Variants in RAB3GAP1 observed in about 807,000 individuals in gnomAD.
RAB3GAP1 encodes rab3 GTPase-activating protein catalytic subunit.
In RAB3GAP1, 86 loss-of-function variants were observed where a neutral mutation model predicts 130.7. The ratio of observed to expected loss-of-function variants is 0.66; its 90% CI spans 0.55 to 0.79. The LOEUF is 0.79. Ranked by LOEUF, RAB3GAP1 falls within the 30% of genes least tolerant of loss-of-function variation. The probability of loss-of-function intolerance (pLI) is 0.00; values close to 1 mark genes in which losing one functional copy is unlikely to be tolerated. For synonymous variants in RAB3GAP1, 367 were observed against 401.7 expected (o/e 0.91, Z 1.03); for missense variants, 1,029 against 1,169.4 (o/e 0.88, Z 1.75).
intron 15 of RAB3GAP1, 39 bp from the exon 16 acceptor site, chr2:135,135,226 T>A: frequency 6.5e-7 from 1 of 1,533,970 alleles, no homozygotes. Context: ...GCAATTTTAC[T>A]AAAACTAAGC....
intron 17 of RAB3GAP1, among the ~76,000 whole-genome samples, chr2:135,144,424 A>G (rs1268327083): frequency 6.6e-6 from 1 of 152,194 alleles, no homozygotes; most frequent in African/African-American, 2.4e-5. Context: ...ATGGGCTAAA[A>G]CAAAGGCACC....
rs150167606 is a variant in RAB3GAP1, at chr2:135,098,194, T to C, written c.362+4501T>C. On this transcript the variant is annotated intron_variant, in intron 5 of 23. Transcript: ENST00000264158. ...TTGCACATGTTTTAATTGGGTTGTT[T>C]GTTTTCTTTTTTGGGGGTGGGGGTT... is the stretch of plus-strand genomic sequence containing the variant. Among the ~76,000 whole-genome samples, 260 of 152,286 alleles carry C rather than the reference T, an allele frequency of 1.7e-3. 1 individual carries two copies. The highest frequency in any genetic ancestry group is 6.1e-3 in the African/African-American group (255 of 41,564).
intron 2 of RAB3GAP1, among the ~76,000 whole-genome samples, chr2:135,056,914 C>T (rs1274960791): frequency 2.0e-5 from 3 of 152,132 alleles, no homozygotes; most frequent in East Asian, 1.9e-4. Context: ...AATCTGTTGC[C>T]TTTCCATACA....
At chr2:135,060,732 G>A (rs963817132) in intron 3 of RAB3GAP1, among the ~76,000 whole-genome samples, 1 of 151,808 alleles carries the variant, frequency 6.6e-6, no homozygotes, top group Non-Finnish European at 1.5e-5. Context: ...TTGAGACAGA[G>A]TCTTGCTCTG....
intron 5 of RAB3GAP1, among the ~76,000 whole-genome samples, chr2:135,098,283 T>C (rs977440028): frequency 6.6e-6 from 1 of 152,196 alleles, no homozygotes; most frequent in African/African-American, 2.4e-5. Flanking sequence ...ATCTTTTTTA[T>C]AATGTGTGAT....
At chr2:135,103,433 A>G (rs962437479) in intron 5 of RAB3GAP1, among the ~76,000 whole-genome samples, 1 of 152,176 alleles carries the variant, frequency 6.6e-6, no homozygotes, top group African/African-American at 2.4e-5. Flanking sequence ...GACTAGCCCT[A>G]AGGACCTGTA....
intron 17 of RAB3GAP1, among the ~76,000 whole-genome samples, chr2:135,141,457 CTCGTGATCT>C (rs1211057039): frequency 1.3e-5 from 2 of 152,062 alleles, no homozygotes; most frequent in Non-Finnish European, 2.9e-5. Context: ...AACTCCTGAC[CTCGTGATCT>C]GCCTGTCTGG....
Position 135,081,361 on chromosome 2 carries a change from T to TATATATATAC in RAB3GAP1, c.151-9636_151-9635insTATATATACA, listed in dbSNP as rs1216831944. Among the ~76,000 whole-genome samples the TATATATATAC allele has an allele frequency of 5.2e-3, 366 of 71,040 alleles. 1 individual carries two copies. Among genetic ancestry groups the TATATATATAC allele is most frequent in the Non-Finnish European group, 6.5e-3 (287 of 44,006 alleles). 46.6% of individuals were successfully genotyped at this position (71,040 alleles called of 152,430 possible). On this transcript the variant is annotated intron_variant, in intron 3 of 23. Transcript: ENST00000264158. ...ATATATATATATATATATATATATA[T>TATATATATAC]ACACACACGTGTGTGTGTGTATATA...
downstream of RAB3GAP1, among the ~76,000 whole-genome samples, chr2:135,172,256 C>G (rs1006954640): frequency 6.6e-6 from 1 of 151,262 alleles, no homozygotes; most frequent in African/African-American, 2.5e-5. Flanking sequence ...AAGGTGAAAC[C>G]CCGTCTCTAT....
chr2:135,112,736 A>G (rs1269278975), intron 5 of RAB3GAP1, among the ~76,000 whole-genome samples: 1 of 152,082 alleles, frequency 6.6e-6, no homozygotes, highest in Non-Finnish European at 1.5e-5. Flanking sequence ...GAATACACCC[A>G]TGTGATCAAC....
At chr2:135,069,796 C>G (rs1029099919) in intron 3 of RAB3GAP1, among the ~76,000 whole-genome samples, 12 of 152,192 alleles carry the variant, frequency 7.9e-5, no homozygotes, top group Non-Finnish European at 1.5e-5. Flanking sequence ...CCCCTGCCCT[C>G]CCTCACCTCC....
At chr2:135,077,288 A>G (rs573016428) in intron 3 of RAB3GAP1, among the ~76,000 whole-genome samples, 37 of 152,250 alleles carry the variant, frequency 2.4e-4, no homozygotes, top group African/African-American at 8.9e-4. Context: ...CAACAACAAC[A>G]ACAACAACAA....
Position 135,162,609 on chromosome 2 carries a change from C to T in RAB3GAP1, c.2344C>T (p.Pro782Ser). The change falls in exon 20 of 24, where the codon CCT (proline) becomes TCT (serine). Residue 782 changes from proline to serine, a missense_variant. By Grantham distance (74) the Pro-to-Ser change is moderately conservative (BLOSUM62 -1). Around this residue, in one of 3 missense-constraint regions of RAB3GAP1, gnomAD observed 373 missense variants for 493.6 expected, o/e 0.76. Transcript: ENST00000264158. ...TGCAGACCTTGCTCGGCACCTGTTA[C>T]CTTGTGTGATTCATGCAGCTGTACT... ...KPADLARHLL[P>S]CVIHAAVLKV... 6.2e-7 allele frequency: 1 copy of T among 1,614,074 alleles called. No homozygotes were observed.
rs746912413 is a variant in RAB3GAP1, at chr2:135,134,047, T to C, written c.1499+14T>C. Reference sequence around the variant, plus strand: ...TCTGATTCCAGGGTAATAATTTCAATTTTCAATTGTTTGGATACGATTTTG... The same window carrying C: ...TCTGATTCCAGGGTAATAATTTCAACTTTCAATTGTTTGGATACGATTTTG... On this transcript the variant is annotated intron_variant, in intron 15 of 23. Coordinates refer to ENST00000264158, the MANE Select transcript of RAB3GAP1 (RefSeq NM_012233.3). 4 of 1,613,308 alleles carry C rather than the reference T, an allele frequency of 2.5e-6. No individual in the cohort carries two copies. The highest frequency in any genetic ancestry group is 1.7e-6 in the Non-Finnish European group (2 of 1,179,414).
chr2:135,129,966 TGTCAAAAATAAC>T lies in RAB3GAP1; in HGVS notation c.974-28_974-17del. Reference sequence around the variant, plus strand: ...CTGATTTTTTTTTTTTTCAGTTAAGTGTCAAAAATAACTTTTTTTCCTACATAGGTGATTTTG... The same window carrying T: ...CTGATTTTTTTTTTTTTCAGTTAAGTTTTTTTTCCTACATAGGTGATTTTG... On this transcript the variant is annotated splice_polypyrimidine_tract_variant and intron_variant, in intron 11 of 23. Coordinates refer to ENST00000264158, the MANE Select transcript of RAB3GAP1 (RefSeq NM_012233.3). The T allele has an allele frequency of 7.1e-7, 1 of 1,411,450 alleles. No individual in the cohort carries two copies. The highest frequency in any genetic ancestry group is 1.0e-6 in the Non-Finnish European group (1 of 1,001,086). 87.4% of individuals were successfully genotyped at this position (1,411,450 alleles called of 1,614,324 possible). A position where few individuals can be genotyped will look rare whatever the true frequency, so the allele number is the denominator to read the frequency against.
chr2:135,147,624 C>CTT (rs56769626), intron 17 of RAB3GAP1, among the ~76,000 whole-genome samples: 23 of 142,650 alleles, frequency 1.6e-4, no homozygotes, highest in African/African-American at 4.5e-4. Flanking sequence ...CTCCCCCCCC[C>CTT]TTTTTTTTTT....
chr2:135,160,674 C>CAA lies in RAB3GAP1; in HGVS notation c.2290-1856_2290-1855dup, dbSNP rs59034119. 3.6e-3 allele frequency among the ~76,000 whole-genome samples: 121 copies of CAA among 33,848 alleles called. 5 individuals carry two copies. Among genetic ancestry groups the CAA allele is most frequent in the Non-Finnish European group, 4.3e-3 (57 of 13,360 alleles). The allele number at this position is 33,848 out of a possible 152,430, so 22.2% of individuals were successfully genotyped here. On this transcript the variant is annotated intron_variant, in intron 19 of 23. Transcript: ENST00000264158. ...GGGCCAACAGAGAAAGACCCTGTCT[C>CAA]AAAAAAAAAAAAAAAAAAAAAAAAA...
At chr2:135,082,223 A>G (rs1285394467) in intron 3 of RAB3GAP1, among the ~76,000 whole-genome samples, 1 of 152,178 alleles carries the variant, frequency 6.6e-6, no homozygotes, top group African/African-American at 2.4e-5. Context: ...TACCAATTTA[A>G]GGCATATAAT....
At chr2:135,134,486 A>G (rs1460632183) in intron 15 of RAB3GAP1, among the ~76,000 whole-genome samples, 3 of 152,130 alleles carry the variant, frequency 2.0e-5, no homozygotes, top group Non-Finnish European at 4.4e-5. Context: ...TTATACTTTT[A>G]TGCATTTTCA....
Sources: gnomAD v4.1 joint callset for allele counts (sites outside exome capture counted in the v4.1 genomes callset) on GRCh38, gnomAD v4.1.1 for gene constraint, gnomAD v4.1.1 regional missense constraint, MANE v1.5 for transcripts, NCBI Gene and HGNC (gene_info 2026-07-23, HGNC 2026-07-21) for gene names.